Variants in NAA11 observed in about 807,000 individuals in gnomAD.
NAA11 encodes N-alpha-acetyltransferase 11.
A neutral mutation model predicts 16.1 loss-of-function variants in NAA11; 15 were observed. The observed-to-expected ratio is 0.93, with a 90% CI of 0.62 to 1.44. NAA11 has a LOEUF of 1.44. NAA11 is among the 40% of genes most tolerant of loss of function. The probability of loss-of-function intolerance (pLI) is 0.00; values close to 1 mark genes in which losing one functional copy is unlikely to be tolerated. For synonymous variants in NAA11, 122 were observed against 112.4 expected (o/e 1.09, Z -0.54); for missense variants, 298 against 291.3 (o/e 1.02, Z -0.17).
chr4:79,250,215 G>A (rs1355119852), intron 2 of NAA11, among the ~76,000 whole-genome samples: 1 of 152,258 alleles, frequency 6.6e-6, no homozygotes, highest in Admixed American at 6.5e-5. Context: ...GCACGGAGAT[G>A]CAGGAGTTTT....
intron 2 of NAA11, among the ~76,000 whole-genome samples, chr4:79,240,925 A>G (rs1357058524): frequency 6.6e-6 from 1 of 152,246 alleles, no homozygotes; most frequent in Non-Finnish European, 1.5e-5. Context: ...GGACTCAGAC[A>G]CTTCGGGAAT....
At chr4:79,273,742 T>C (rs1722552039) in intron 2 of NAA11, among the ~76,000 whole-genome samples, 1 of 152,062 alleles carries the variant, frequency 6.6e-6, no homozygotes, top group African/African-American at 2.4e-5. Context: ...TGTGGGTGCA[T>C]TAAAGAAGTT....
chr4:79,302,698 A>AC (rs1440786176), intron 1 of NAA11, among the ~76,000 whole-genome samples: 1 of 152,170 alleles, frequency 6.6e-6, no homozygotes, highest in Non-Finnish European at 1.5e-5. Context: ...GATATGTGTA[A>AC]CTTTCAAGTA....
intron 1 of NAA11, chr4:79,306,799 G>A (rs1723594120): frequency 6.6e-6 from 1 of 152,150 alleles, no homozygotes; most frequent in Non-Finnish European, 1.5e-5. Flanking sequence ...AGTGCTGAAG[G>A]TTCTGGAATA....
At chr4:79,229,655 A>G (rs955030597) in intron 2 of NAA11, among the ~76,000 whole-genome samples, 2 of 151,964 alleles carry the variant, frequency 1.3e-5, no homozygotes, top group African/African-American at 2.4e-5. Flanking sequence ...AATAATATCT[A>G]ACATTTAGTA....
At chr4:79,251,014 G>A (rs2109967810) in intron 2 of NAA11, among the ~76,000 whole-genome samples, 1 of 152,324 alleles carries the variant, frequency 6.6e-6, no homozygotes, top group East Asian at 1.9e-4. Flanking sequence ...CTTATACACT[G>A]CTGGTGGAAA....
chr4:79,179,224 C>G, the NAA11 span, among the ~76,000 whole-genome samples: 1 of 151,806 alleles, frequency 6.6e-6, no homozygotes, highest in African/African-American at 2.4e-5. Flanking sequence ...TTGTTTTTTG[C>G]TTTAGAGTCA....
At chr4:79,263,016 G>A (rs1227335262) in intron 2 of NAA11, among the ~76,000 whole-genome samples, 1 of 151,872 alleles carries the variant, frequency 6.6e-6, no homozygotes, top group African/African-American at 2.4e-5. Flanking sequence ...GAATACCTAG[G>A]GCATAAATAG....
At chr4:79,202,738 AATT>A in the NAA11 span, among the ~76,000 whole-genome samples, 2 of 146,286 alleles carry the variant, frequency 1.4e-5, no homozygotes, top group East Asian at 2.1e-4. Flanking sequence ...ATAGATTTAG[AATT>A]ATTATGTATT....
chr4:79,185,346 C>G, the NAA11 span, among the ~76,000 whole-genome samples: 1 of 152,106 alleles, frequency 6.6e-6, no homozygotes, highest in Non-Finnish European at 1.5e-5. Context: ...GCACCTTTTT[C>G]CCCCATAATT....
intron 2 of NAA11, among the ~76,000 whole-genome samples, chr4:79,267,983 T>C (rs1217967006): frequency 6.6e-6 from 1 of 152,154 alleles, no homozygotes; most frequent in African/African-American, 2.4e-5. Flanking sequence ...ATCTAATTAA[T>C]AACTAGCTGT....
chr4:79,256,251 A>T (rs1158755156), intron 2 of NAA11, among the ~76,000 whole-genome samples: 2 of 152,072 alleles, frequency 1.3e-5, no homozygotes, highest in East Asian at 1.9e-4. Flanking sequence ...GGTTTTAGTT[A>T]TACTTTCTTA....
At chr4:79,255,810 C>A (rs1722094843) in intron 2 of NAA11, among the ~76,000 whole-genome samples, 1 of 152,202 alleles carries the variant, frequency 6.6e-6, no homozygotes, top group Non-Finnish European at 1.5e-5. Context: ...ACCCTGTAGT[C>A]AGACAGTAGC....
At chr4:79,312,255 A>G (rs1235847172), downstream of NAA11, among the ~76,000 whole-genome samples, 1 of 152,258 alleles carries the variant, frequency 6.6e-6, no homozygotes, top group Non-Finnish European at 1.5e-5. Context: ...AATAAAAGCC[A>G]GACTTAACAC....
chr4:79,314,641 TAAAAAAAA>T (rs375245497), downstream of NAA11, among the ~76,000 whole-genome samples: 26 of 98,062 alleles, frequency 2.7e-4, no homozygotes, highest in African/African-American at 9.8e-4. Flanking sequence ...TCCTTAAAAT[TAAAAAAAA>T]AAAAAAAAAA....
the NAA11 span, among the ~76,000 whole-genome samples, chr4:79,166,697 G>A: frequency 1.4e-5 from 2 of 146,096 alleles, no homozygotes; most frequent in African/African-American, 5.0e-5. Flanking sequence ...GTGAAACCCC[G>A]TCTCTACTAA....
the NAA11 span, among the ~76,000 whole-genome samples, chr4:79,195,385 T>C: frequency 1.3e-5 from 2 of 152,086 alleles, no homozygotes; most frequent in South Asian, 2.1e-4. Context: ...TTTTAAAATA[T>C]AGTTTTAAAA....
At chr4:79,325,072 T>C in intron 1 of NAA11, 104 bp downstream of exon 1, 1 of 1,079,034 alleles carries the variant, frequency 9.3e-7, no homozygotes, top group Non-Finnish European at 1.3e-6. Flanking sequence ...TACCGTAAAA[T>C]CTCGCAGGGC....
At chr4:79,312,646 CAAAA>C (rs544315352), downstream of NAA11, among the ~76,000 whole-genome samples, 20 of 69,414 alleles carry the variant, frequency 2.9e-4, no homozygotes, top group Admixed American at 6.9e-4. Flanking sequence ...GACTCCATCT[CAAAA>C]AAAAAAAAAA....
Sources: allele counts gnomAD v4.1 joint callset (sites outside exome capture counted in the v4.1 genomes callset), GRCh38; gene constraint gnomAD v4.1.1; transcripts MANE v1.5; gene names NCBI Gene and HGNC (gene_info 2026-07-23, HGNC 2026-07-21).